The following PSMD4 variants were observed in gnomAD, a reference collection of about 807,000 sequenced individuals.
PSMD4 encodes the protein 26S proteasome non-ATPase regulatory subunit 4.
In PSMD4, 5 loss-of-function variants were observed where a neutral mutation model predicts 39.7. The observed-to-expected ratio is 0.13, with a 90% CI of 0.07 to 0.26. PSMD4 has a LOEUF of 0.26. Ranked by LOEUF, PSMD4 falls within the 10% of genes least tolerant of loss-of-function variation. The pLI is 1.00. For missense variants in PSMD4, 272 were observed against 486.1 expected, an observed-to-expected ratio of 0.56 and a Z score of 4.14; for synonymous variants, 143 against 174.6, an observed-to-expected ratio of 0.82 and a Z score of 1.43.
chr1:151,261,430 C>T (rs938989928), intron 1 of PSMD4, among the ~76,000 whole-genome samples: 21 of 152,102 alleles, frequency 1.4e-4, no homozygotes, highest in African/African-American at 4.6e-4. Flanking sequence ...CTGCCTCGGC[C>T]TCCCAAAGTG....
At chr1:151,254,885 G>A in intron 1 of PSMD4, 77 bp downstream of exon 1, 3 of 1,375,952 alleles carry the variant, frequency 2.2e-6, no homozygotes, top group East Asian at 3.0e-5. Context: ...GAGGGCCTGG[G>A]GTGGGGGCCA....
chr1:151,257,715 CTTTTTTTTT>C (rs71090149), intron 1 of PSMD4, among the ~76,000 whole-genome samples: 5 of 88,718 alleles, frequency 5.6e-5, no homozygotes, highest in Non-Finnish European at 8.0e-5. Flanking sequence ...ACCTGGCTTT[CTTTTTTTTT>C]TTTTTTTTTT....
chr1:151,266,894 T>C lies in PSMD4; in HGVS notation c.964-279T>C. 4.2e-6 allele frequency: 3 copies of C among 707,214 alleles called. No individual in the cohort carries two copies. In the South Asian group the frequency reaches 4.5e-5, roughly 11 times the overall value. 43.8% of individuals were successfully genotyped at this position (707,214 alleles called of 1,614,324 possible). ...AAAGAAAAAGGAGAACTGGGTGTCT[T>C]GAGAGCAGGAAACCTCAATGTGATG... On this transcript the variant is annotated intron_variant, in intron 9 of 9. Coordinates refer to ENST00000368884, the MANE Select transcript of PSMD4 (RefSeq NM_002810.4).
At chr1:151,264,330 C>A (rs587762509) in intron 3 of PSMD4, among the ~76,000 whole-genome samples, 1 of 116,678 alleles carries the variant, frequency 8.6e-6, no homozygotes, top group Non-Finnish European at 1.8e-5. Flanking sequence ...ATAGGGAGAC[C>A]CTGTTTCTCT....
Position 151,266,575 on chromosome 1 carries a change from T to C in PSMD4, c.951T>C (p.Ser317=), listed in dbSNP as rs7489. ...ATGCCAGCTCAGCTATGGACACATC[T>C]GAGCCAGCCAAGGTGAGACCCAACC... is the stretch of plus-strand genomic sequence containing the variant. ...DIDASSAMDT[S]EPAKEEDDYD... is the part of the protein sequence containing the mutation. Residue 317 remains serine (S), a synonymous_variant, in exon 9 of 10, where the codon TCT becomes TCC. Transcript: ENST00000368884. 0.69 allele frequency: 1,109,967 copies of C among 1,613,670 alleles called. 383,868 individuals carry two copies. The highest frequency in any genetic ancestry group is 0.71 in the Non-Finnish European group (837,311 of 1,179,844).
chr1:151,262,079 T>C, intron 1 of PSMD4, 82 bp from the exon 2 acceptor site: 1 of 1,502,350 alleles, frequency 6.7e-7, no homozygotes, highest in Non-Finnish European at 9.2e-7. Flanking sequence ...ACTGCTGCTA[T>C]AGGGGGCCTC....
At chr1:151,259,832 C>G (rs1005265768) in intron 1 of PSMD4, among the ~76,000 whole-genome samples, 1 of 152,188 alleles carries the variant, frequency 6.6e-6, no homozygotes, top group East Asian at 1.9e-4. Flanking sequence ...TCTCCCTTCT[C>G]GGCCTCCCAA....
chr1:151,254,755 C>A lies in PSMD4; in HGVS notation c.-28C>A, dbSNP rs1451631484. 6.4e-7 allele frequency: 1 copy of A among 1,555,310 alleles called. No homozygotes were observed. The highest frequency in any genetic ancestry group is 2.5e-5 in the East Asian group (1 of 40,310). ...AGTTGTTGTTAGGCCGTCCCGGAGA[C>A]CCGGTCGGGAGGGAGGAAGGTGGCA... is the stretch of plus-strand genomic sequence containing the variant. On this transcript the variant is annotated 5_prime_UTR_variant, in exon 1 of 10. Coordinates refer to ENST00000368884, the MANE Select transcript of PSMD4 (RefSeq NM_002810.4).
chr1:151,267,472 G>C lies in PSMD4; in HGVS notation c.*129G>C, dbSNP rs587639372. On this transcript the variant is annotated 3_prime_UTR_variant, in exon 10 of 10. Transcript: ENST00000368884. ...GCTTGGCAACTTTTTTTCCTTTTTT[G>C]CTTCAAATATTGATGGTTTTGAGTG... The C allele has an allele frequency of 9.4e-5, 101 of 1,074,218 alleles. 1 individual carries two copies. Among genetic ancestry groups the C allele is most frequent in the Middle Eastern group, 8.4e-4 (4 of 4,774 alleles). 66.5% of individuals were successfully genotyped at this position (1,074,218 alleles called of 1,614,324 possible).
rs1693123744 is a variant in PSMD4, at chr1:151,254,769, A to G, written c.-14A>G. On this transcript the variant is annotated 5_prime_UTR_variant, in exon 1 of 10. Transcript: ENST00000368884. ...CGTCCCGGAGACCCGGTCGGGAGGG[A>G]GGAAGGTGGCAAGATGGTGTTGGAA... 1.3e-6 allele frequency: 2 copies of G among 1,559,590 alleles called. No homozygotes were observed. Among genetic ancestry groups the G allele is most frequent in the Admixed American group, 3.9e-5 (2 of 51,276 alleles).
At chr1:151,266,911 A>G (rs1693461490) in intron 9 of PSMD4, 6 of 706,268 alleles carry the variant, frequency 8.5e-6, no homozygotes, top group Non-Finnish European at 1.1e-5. Context: ...AGGAAACCTC[A>G]ATGTGATGGC....
chr1:151,259,753 T>G (rs1368813833), intron 1 of PSMD4, among the ~76,000 whole-genome samples: 3 of 151,822 alleles, frequency 2.0e-5, no homozygotes, highest in Middle Eastern at 3.4e-3. Flanking sequence ...AAAAATGTGG[T>G]TTTTTTTGGT....
chr1:151,263,741 G>A, intron 2 of PSMD4, 173 bp from the exon 3 acceptor site: 1 of 401,860 alleles, frequency 2.5e-6, no homozygotes, highest in Non-Finnish European at 4.5e-6. Context: ...TGAGGCAGGA[G>A]AATGGCGTGA....
chr1:151,264,525 C>G (rs587767350), intron 3 of PSMD4, among the ~76,000 whole-genome samples: 2 of 151,352 alleles, frequency 1.3e-5, no homozygotes, highest in Admixed American at 6.6e-5. Context: ...GCAGGATAAT[C>G]GCTGGAACCC....
intron 9 of PSMD4, 98 bp downstream of exon 9, chr1:151,266,685 G>C (rs1693457257): frequency 4.4e-6 from 6 of 1,366,390 alleles, no homozygotes; most frequent in Non-Finnish European, 6.1e-6. Flanking sequence ...TAAGTCCTTT[G>C]AGGAGCAGAG....
At chr1:151,261,439 T>C (rs1056074091) in intron 1 of PSMD4, among the ~76,000 whole-genome samples, 1 of 152,012 alleles carries the variant, frequency 6.6e-6, no homozygotes, top group Non-Finnish European at 1.5e-5. Context: ...CCTCCCAAAG[T>C]GCTGGGATTA....
At chr1:151,264,421 C>G (rs1220138099) in intron 3 of PSMD4, among the ~76,000 whole-genome samples, 1 of 151,606 alleles carries the variant, frequency 6.6e-6, no homozygotes, top group Non-Finnish European at 1.5e-5. Flanking sequence ...GGGCAGATCA[C>G]CTGACGTCAC....
intron 1 of PSMD4, among the ~76,000 whole-genome samples, chr1:151,258,170 C>T (rs1045340940): frequency 9.2e-5 from 14 of 151,386 alleles, no homozygotes; most frequent in African/African-American, 2.2e-4. Flanking sequence ...ATTACAGGTG[C>T]GTGCCACCAT....
At chr1:151,263,341 G>A (rs1278804497) in intron 2 of PSMD4, among the ~76,000 whole-genome samples, 1 of 130,900 alleles carries the variant, frequency 7.6e-6, no homozygotes, top group African/African-American at 2.9e-5. Flanking sequence ...GTGTAGATCT[G>A]TAATCCCAGC....
Sources: allele counts gnomAD v4.1 joint callset (sites outside exome capture counted in the v4.1 genomes callset), GRCh38; gene constraint gnomAD v4.1.1; transcripts MANE v1.5; gene names NCBI Gene and HGNC (gene_info 2026-07-23, HGNC 2026-07-21).